The following MICU1 variants were observed in gnomAD, a reference collection of about 807,000 sequenced individuals.
The protein encoded by MICU1 is mitochondrial calcium uptake 1.
A neutral mutation model predicts 56.8 loss-of-function variants in MICU1; 45 were observed. That is an observed-to-expected ratio of 0.79 (90% CI 0.62 to 1.02). The LOEUF (loss-of-function observed/expected upper bound fraction) is 1.02, where lower values mean the gene tolerates loss of function less well. MICU1 is among the 50% of genes least tolerant of loss of function. The pLI is 0.00. For missense variants in MICU1, 504 were observed against 587.1 expected (o/e 0.86, Z 1.46); for synonymous variants, 186 against 195.1 (o/e 0.95, Z 0.39).
intron 4 of MICU1, among the ~76,000 whole-genome samples, chr10:72,544,347 T>C (rs1441544170): frequency 2.0e-5 from 3 of 152,160 alleles, no homozygotes; most frequent in African/African-American, 4.8e-5. Flanking sequence ...AGGGGTTTTG[T>C]CTGCGGCCTG....
intron 8 of MICU1, among the ~76,000 whole-genome samples, chr10:72,452,052 G>C (rs2132214898): frequency 6.6e-6 from 1 of 152,102 alleles, no homozygotes; most frequent in Non-Finnish European, 1.5e-5. Flanking sequence ...ATTTTTAGTA[G>C]AGACAGGGTT....
At chr10:72,560,857 G>A (rs754315260) in intron 3 of MICU1, among the ~76,000 whole-genome samples, 14 of 152,076 alleles carry the variant, frequency 9.2e-5, no homozygotes, top group East Asian at 1.9e-4. Context: ...GCGACAGACC[G>A]AGACTCCATC....
chr10:72,580,453 A>G (rs1189088122), intron 1 of MICU1, among the ~76,000 whole-genome samples: 1 of 135,650 alleles, frequency 7.4e-6, no homozygotes, highest in Admixed American at 7.7e-5. Flanking sequence ...TTGCTGATTT[A>G]TTTATTTATT....
At chr10:72,387,756 G>GTA (rs111368590) in intron 10 of MICU1, among the ~76,000 whole-genome samples, 2 of 149,102 alleles carry the variant, frequency 1.3e-5, no homozygotes, top group South Asian at 4.2e-4. Context: ...AGAGAACAAA[G>GTA]AGCCTTATCT....
intron 5 of MICU1, among the ~76,000 whole-genome samples, chr10:72,519,729 C>T (rs536407927): frequency 2.0e-5 from 3 of 152,200 alleles, no homozygotes; most frequent in East Asian, 3.9e-4. Flanking sequence ...GGTAATTTTG[C>T]CTTCTGGGAC....
chr10:72,496,347 G>A (rs979270682), intron 6 of MICU1, among the ~76,000 whole-genome samples: 3 of 150,042 alleles, frequency 2.0e-5, no homozygotes, highest in African/African-American at 7.4e-5. Flanking sequence ...TGACGCCCAG[G>A]CTGGAGTGCA....
At chr10:72,497,531 T>C (rs1866888474) in intron 6 of MICU1, among the ~76,000 whole-genome samples, 1 of 152,198 alleles carries the variant, frequency 6.6e-6, no homozygotes, top group Non-Finnish European at 1.5e-5. Flanking sequence ...TGTGAAAATG[T>C]GGGGCTCGCA....
intron 1 of MICU1, among the ~76,000 whole-genome samples, chr10:72,569,805 T>G (rs1302720928): frequency 1.3e-5 from 2 of 152,168 alleles, no homozygotes; most frequent in Non-Finnish European, 2.9e-5. Context: ...TACCTCACTG[T>G]TTTAATGCAC....
intron 10 of MICU1, among the ~76,000 whole-genome samples, chr10:72,400,013 TC>T (rs1181963807): frequency 1.3e-5 from 2 of 152,014 alleles, no homozygotes. Flanking sequence ...GGCAGATTTT[TC>T]CCCCTTCCAA....
At chr10:72,545,603 G>A (rs1839876377) in intron 4 of MICU1, among the ~76,000 whole-genome samples, 1 of 152,266 alleles carries the variant, frequency 6.6e-6, no homozygotes, top group East Asian at 1.9e-4. Flanking sequence ...GGGTTGGGGA[G>A]AACCAAGGTT....
At chr10:72,401,530 T>C (rs1203177374) in intron 10 of MICU1, among the ~76,000 whole-genome samples, 2 of 152,142 alleles carry the variant, frequency 1.3e-5, no homozygotes, top group East Asian at 3.8e-4. Flanking sequence ...GGCACGCACC[T>C]ATAGTCCCAG....
At position 72,590,702 on chromosome 10, in the gene MICU1, A is replaced by G. The variant is rs186788132; in HGVS notation, c.-1-23908T>C. 2.6e-3 allele frequency among the ~76,000 whole-genome samples: 402 copies of G among 152,202 alleles called. 4 individuals are homozygous for G. The highest frequency in any genetic ancestry group is 9.3e-3 in the African/African-American group (386 of 41,538). On this transcript the variant is annotated intron_variant, in intron 1 of 11. Coordinates refer to ENST00000361114, the MANE Select transcript of MICU1 (RefSeq NM_001195518.2). ...GTGGGGTGTGCCTGTAATCCCAGCTACTCAGGAGGCTGAGGCAGGAGAATT... is the reference window on the plus strand; with the variant it reads ...GTGGGGTGTGCCTGTAATCCCAGCTGCTCAGGAGGCTGAGGCAGGAGAATT...
chr10:72,523,202 AAG>A (rs201945575), intron 5 of MICU1, among the ~76,000 whole-genome samples: 1,907 of 152,254 alleles, frequency 0.013, 23 homozygotes, highest in Non-Finnish European at 0.016. Flanking sequence ...AAAGGAGAGG[AAG>A]AGTTTTTAGC....
At chr10:72,386,710 C>T (rs1862904013) in intron 10 of MICU1, among the ~76,000 whole-genome samples, 1 of 151,908 alleles carries the variant, frequency 6.6e-6, no homozygotes, top group Non-Finnish European at 1.5e-5. Context: ...GAGGTGTGTG[C>T]CACCATGCCT....
intron 8 of MICU1, among the ~76,000 whole-genome samples, chr10:72,426,390 C>G (rs542593288): frequency 1.9e-4 from 29 of 150,806 alleles, no homozygotes; most frequent in African/African-American, 5.1e-4. Context: ...CTTATTGGAG[C>G]ATTCTGGATT....
Position 72,420,568 on chromosome 10 carries a change from G to T in MICU1, c.1071+2666C>A, listed in dbSNP as rs115638924. On this transcript the variant is annotated intron_variant, in intron 9 of 11. Transcript: ENST00000361114. Reference sequence around the variant, plus strand: ...GTTAGATTCTTGGTCATGGTCAGATGGTAGCCATTGTCCAGTGGGAAGAGT... The same window carrying T: ...GTTAGATTCTTGGTCATGGTCAGATTGTAGCCATTGTCCAGTGGGAAGAGT... Among the ~76,000 whole-genome samples, 383 of 152,212 alleles carry T rather than the reference G, an allele frequency of 2.5e-3. 4 individuals are homozygous for T. The highest frequency in any genetic ancestry group is 8.8e-3 in the African/African-American group (366 of 41,542).
In MICU1 at chr10:72,608,352, G is replaced by A. The variant is rs1218061755; in HGVS notation, c.-2+17658C>T. On this transcript the variant is annotated intron_variant, in intron 1 of 11. Coordinates refer to ENST00000361114, the MANE Select transcript of MICU1 (RefSeq NM_001195518.2). ...AGCCCGAAGTGCTGGGATTACAGGT[G>A]TGAGCCACCTCTCCTGGCCGAAATG... Among the ~76,000 whole-genome samples the A allele has an allele frequency of 2.6e-5, 4 of 152,184 alleles. No homozygotes were observed. In the South Asian group the frequency reaches 6.2e-4, roughly 24 times the overall value.
chr10:72,426,831 C>T (rs1864362073), intron 8 of MICU1, among the ~76,000 whole-genome samples: 1 of 152,180 alleles, frequency 6.6e-6, no homozygotes, highest in African/African-American at 2.4e-5. Context: ...TGTGGGTGCA[C>T]TCCTGGAGTG....
chr10:72,497,572 A>T lies in MICU1; in HGVS notation c.652+10583T>A, dbSNP rs139526108. 1.1e-3 allele frequency among the ~76,000 whole-genome samples: 171 copies of T among 152,314 alleles called. 3 individuals are homozygous for T. Among genetic ancestry groups the T allele is most frequent in the African/African-American group, 3.4e-3 (143 of 41,558 alleles). On this transcript the variant is annotated intron_variant, in intron 6 of 11. Transcript: ENST00000361114. Reference sequence around the variant, plus strand: ...AAAGCAAACATCATCTTTAAATATCATCAATTATTGAGGGCTAAATTTCTT... The same window carrying T: ...AAAGCAAACATCATCTTTAAATATCTTCAATTATTGAGGGCTAAATTTCTT...
Sources: gnomAD v4.1 joint callset for allele counts (sites outside exome capture counted in the v4.1 genomes callset) on GRCh38, gnomAD v4.1.1 for gene constraint, MANE v1.5 for transcripts, NCBI Gene and HGNC (gene_info 2026-07-23, HGNC 2026-07-21) for gene names.